The following NKAIN3 variants were observed in gnomAD, a reference collection of about 807,000 sequenced individuals.
NKAIN3 encodes the protein sodium/potassium-transporting ATPase subunit beta-1-interacting protein 3.
A neutral mutation model predicts 30.2 loss-of-function variants in NKAIN3; 25 were observed. That is an observed-to-expected ratio of 0.83 (90% CI 0.60 to 1.16). The LOEUF (loss-of-function observed/expected upper bound fraction) is 1.16, where lower values mean the gene tolerates loss of function less well. NKAIN3 is among the 50% of genes most tolerant of loss of function. The probability of loss-of-function intolerance (pLI) is 0.00; values close to 1 mark genes in which losing one functional copy is unlikely to be tolerated. For missense variants in NKAIN3, 225 were observed against 254.1 expected, an observed-to-expected ratio of 0.89 and a Z score of 0.78; for synonymous variants, 91 against 89.6, an observed-to-expected ratio of 1.02 and a Z score of -0.09.
intron 4 of NKAIN3, among the ~76,000 whole-genome samples, chr8:62,748,319 C>T (rs948291424): frequency 6.6e-6 from 1 of 152,004 alleles, no homozygotes; most frequent in African/African-American, 2.4e-5. Flanking sequence ...CATTCTCCTG[C>T]ACATGCACAT....
intron 3 of NKAIN3, among the ~76,000 whole-genome samples, chr8:62,641,487 A>G (rs1018772906): frequency 6.6e-6 from 1 of 152,156 alleles, no homozygotes; most frequent in Non-Finnish European, 1.5e-5. Context: ...TCAGTAATCC[A>G]TAAATTCTTT....
intron 5 of NKAIN3, among the ~76,000 whole-genome samples, chr8:62,929,071 AG>A: frequency 6.6e-6 from 1 of 152,330 alleles, no homozygotes; most frequent in South Asian, 2.1e-4. Flanking sequence ...AGGAGCTAAG[AG>A]GCAAAGGCCA....
chr8:62,932,458 C>G (rs1822650988), intron 5 of NKAIN3, among the ~76,000 whole-genome samples: 1 of 152,180 alleles, frequency 6.6e-6, no homozygotes, highest in African/African-American at 2.4e-5. Flanking sequence ...CTGCTCAGAA[C>G]ATATAGTATG....
chr8:62,294,670 G>T (rs1369404527), intron 1 of NKAIN3, among the ~76,000 whole-genome samples: 1 of 151,820 alleles, frequency 6.6e-6, no homozygotes, highest in Non-Finnish European at 1.5e-5. Context: ...ACCTTAGCCT[G>T]GGGACCACAA....
At chr8:62,916,748 A>G (rs1039378848) in intron 4 of NKAIN3, among the ~76,000 whole-genome samples, 3 of 152,082 alleles carry the variant, frequency 2.0e-5, no homozygotes, top group Admixed American at 6.5e-5. Flanking sequence ...TTCTCACCCC[A>G]CTTCTCTCAC....
chr8:62,886,714 G>A (rs1401979606), intron 4 of NKAIN3, among the ~76,000 whole-genome samples: 1 of 152,072 alleles, frequency 6.6e-6, no homozygotes, highest in Non-Finnish European at 1.5e-5. Context: ...TTGCAAGTTT[G>A]TTACACAGGT....
At chr8:62,669,544 CT>C (rs1410114066) in intron 3 of NKAIN3, among the ~76,000 whole-genome samples, 5 of 152,104 alleles carry the variant, frequency 3.3e-5, no homozygotes, top group Non-Finnish European at 1.5e-5. Flanking sequence ...TATCAAATGA[CT>C]TTTTACATAA....
At chr8:62,412,528 T>C (rs1045008799) in intron 1 of NKAIN3, among the ~76,000 whole-genome samples, 2 of 151,824 alleles carry the variant, frequency 1.3e-5, no homozygotes, top group African/African-American at 4.8e-5. Context: ...TGGGAGAAAA[T>C]ATTCCCAAAC....
In NKAIN3 at chr8:62,918,478, A is replaced by T; in HGVS notation, c.497A>T (p.Tyr166Phe). Residue 166 changes from tyrosine (Y) to phenylalanine (F), a missense_variant, in exon 5 of 7, where the codon TAT becomes TTT. By Grantham distance (22) the Tyr-to-Phe change is conservative (BLOSUM62 3). Coordinates refer to ENST00000623646, the MANE Select transcript of NKAIN3 (RefSeq NM_001304533.3). ...LSLVGFVYAC[Y>F]VISISMEEED... ...TTGGTGGGTTTTGTGTATGCCTGTT[A>T]TGTGATCAGTATTTCCATGGAAGAA... 1 of 1,613,256 alleles carries T rather than the reference A, an allele frequency of 6.2e-7. No homozygotes were observed. The highest frequency in any genetic ancestry group is 8.5e-7 in the Non-Finnish European group (1 of 1,179,386).
At chr8:62,936,052 T>G (rs764254970) in intron 5 of NKAIN3, among the ~76,000 whole-genome samples, 1 of 152,174 alleles carries the variant, frequency 6.6e-6, no homozygotes, top group Non-Finnish European at 1.5e-5. Flanking sequence ...TGTAAGAGAA[T>G]ATGACATGAC....
intron 1 of NKAIN3, among the ~76,000 whole-genome samples, chr8:62,384,103 TATG>T (rs1226550629): frequency 6.6e-6 from 1 of 152,138 alleles, no homozygotes; most frequent in African/African-American, 2.4e-5. Flanking sequence ...TTGCAGTAAA[TATG>T]ATGAAAAATA....
intron 4 of NKAIN3, among the ~76,000 whole-genome samples, chr8:62,861,199 A>G (rs1820228564): frequency 1.3e-5 from 2 of 152,188 alleles, no homozygotes. Flanking sequence ...TCAAAGTTCC[A>G]CTTTAGTTCA....
At chr8:62,334,634 T>A (rs771832425) in intron 1 of NKAIN3, among the ~76,000 whole-genome samples, 2 of 152,120 alleles carry the variant, frequency 1.3e-5, no homozygotes, top group Non-Finnish European at 2.9e-5. Context: ...GTGTTTATTA[T>A]CTATTGCTAC....
At chr8:62,804,941 G>A (rs1818216259) in intron 4 of NKAIN3, among the ~76,000 whole-genome samples, 1 of 152,268 alleles carries the variant, frequency 6.6e-6, no homozygotes, top group East Asian at 1.9e-4. Flanking sequence ...CTGATAAGCA[G>A]CTTCAGCAAA....
At chr8:62,725,548 T>C (rs1815229100) in intron 3 of NKAIN3, among the ~76,000 whole-genome samples, 1 of 152,156 alleles carries the variant, frequency 6.6e-6, no homozygotes, top group Non-Finnish European at 1.5e-5. Flanking sequence ...CTGATTTTTG[T>C]ATATGCAGAC....
In NKAIN3 at chr8:62,560,253, G is replaced by A. The variant is rs578223060; in HGVS notation, c.55-19286G>A. Among the ~76,000 whole-genome samples the A allele has an allele frequency of 2.0e-5, 3 of 152,044 alleles. No homozygotes were observed. In the East Asian group the frequency reaches 5.8e-4, roughly 29 times the overall value. ...TATAGCTTGCCATGAATTTATTTGG[G>A]TTTATTCTTGTCAAGATTTACTCAT... On this transcript the variant is annotated intron_variant, in intron 1 of 6. Transcript: ENST00000623646.
In NKAIN3 at chr8:62,417,139, T is replaced by C. The variant is rs186754808; in HGVS notation, c.55-162400T>C. 1.8e-3 allele frequency among the ~76,000 whole-genome samples: 278 copies of C among 152,134 alleles called. 1 individual carries two copies. Among genetic ancestry groups the C allele is most frequent in the African/African-American group, 6.4e-3 (267 of 41,488 alleles). On this transcript the variant is annotated intron_variant, in intron 1 of 6. Coordinates refer to ENST00000623646, the MANE Select transcript of NKAIN3 (RefSeq NM_001304533.3). ...ATCCTCCTGACTACCCTTGCCAGCC[T>C]CTGATAACCATCGTTCTGCTCTCTA...
chr8:62,313,028 GA>G (rs1162581956), intron 1 of NKAIN3, among the ~76,000 whole-genome samples: 3 of 147,848 alleles, frequency 2.0e-5, no homozygotes, highest in African/African-American at 4.9e-5. Context: ...AGGAATGTAA[GA>G]AAAAAAAAAC....
At chr8:62,594,522 A>G (rs866027446) in intron 3 of NKAIN3, among the ~76,000 whole-genome samples, 55 of 152,120 alleles carry the variant, frequency 3.6e-4, no homozygotes, top group Admixed American at 3.0e-3. Context: ...AATCCAAGCT[A>G]TTTCCAGACA....
Sources: allele counts gnomAD v4.1 joint callset (sites outside exome capture counted in the v4.1 genomes callset), GRCh38; gene constraint gnomAD v4.1.1; transcripts MANE v1.5; gene names NCBI Gene and HGNC (gene_info 2026-07-23, HGNC 2026-07-21).